Variants in NR1H4 observed in about 807,000 individuals in gnomAD.
NR1H4 encodes nuclear receptor subfamily 1 group H member 4.
A neutral mutation model predicts 58.5 loss-of-function variants in NR1H4; 23 were observed. That is an observed-to-expected ratio of 0.39 (90% CI 0.28 to 0.56). NR1H4 has a LOEUF of 0.56. NR1H4 is among the 20% of genes least tolerant of loss of function. The pLI, the probability that NR1H4 is intolerant of heterozygous loss-of-function variation, is 0.58. For missense variants in NR1H4, 487 were observed against 576.9 expected (o/e 0.84, Z 1.60); for synonymous variants, 214 against 198.0 (o/e 1.08, Z -0.68).
chr12:100,474,350 T>G (rs1174419668), intron 1 of NR1H4, among the ~76,000 whole-genome samples: 3 of 152,236 alleles, frequency 2.0e-5, no homozygotes, highest in Non-Finnish European at 4.4e-5. Flanking sequence ...ATAGTGCATT[T>G]CAGAAATGTC....
chr12:100,487,341 A>T (rs773737360), intron 1 of NR1H4, among the ~76,000 whole-genome samples: 1 of 152,194 alleles, frequency 6.6e-6, no homozygotes, highest in Non-Finnish European at 1.5e-5. Context: ...GCTTAAAAAT[A>T]AATTTTAATA....
intron 8 of NR1H4, among the ~76,000 whole-genome samples, chr12:100,538,278 G>GT (rs1954858502): frequency 6.6e-6 from 1 of 152,104 alleles, no homozygotes. Flanking sequence ...CATGTAAGAT[G>GT]AATTTGAATG....
intron 1 of NR1H4, among the ~76,000 whole-genome samples, chr12:100,481,348 G>A (rs942708645): frequency 6.6e-6 from 1 of 151,778 alleles, no homozygotes; most frequent in East Asian, 1.9e-4. Flanking sequence ...TACATAATGC[G>A]AAAAAAGAAA....
chr12:100,503,302 A>G (rs781439729), intron 3 of NR1H4: 6 of 1,494,180 alleles, frequency 4.0e-6, no homozygotes, highest in Non-Finnish European at 5.4e-6. Context: ...CTGCTCCGTA[A>G]TGAAGTTAAT....
At chr12:100,498,358 G>T (rs954307983) in intron 3 of NR1H4, among the ~76,000 whole-genome samples, 1 of 152,184 alleles carries the variant, frequency 6.6e-6, no homozygotes, top group Non-Finnish European at 1.5e-5. Context: ...CGTAAATAAG[G>T]CTGGGCGCGG....
intron 1 of NR1H4, among the ~76,000 whole-genome samples, chr12:100,477,769 G>A (rs1953301036): frequency 6.6e-6 from 1 of 152,056 alleles, no homozygotes; most frequent in Non-Finnish European, 1.5e-5. Context: ...CCAGCCTGGG[G>A]CTTAAGGAGC....
intron 4 of NR1H4, among the ~76,000 whole-genome samples, chr12:100,525,638 T>A (rs1954535973): frequency 6.6e-6 from 1 of 152,340 alleles, no homozygotes; most frequent in South Asian, 2.1e-4. Flanking sequence ...ATTAGGGTAA[T>A]GCTGGCCTCA....
At chr12:100,478,500 A>G (rs1255433543) in intron 1 of NR1H4, among the ~76,000 whole-genome samples, 1 of 152,226 alleles carries the variant, frequency 6.6e-6, no homozygotes, top group Non-Finnish European at 1.5e-5. Context: ...ATCTTAATGT[A>G]GTCATTGTGT....
At chr12:100,545,819 A>G (rs1334182003) in intron 9 of NR1H4, among the ~76,000 whole-genome samples, 4 of 152,000 alleles carry the variant, frequency 2.6e-5, no homozygotes, top group African/African-American at 9.7e-5. Flanking sequence ...ACATGGGACT[A>G]AATATGTCAG....
At chr12:100,474,771 A>G (rs1047789949) in intron 1 of NR1H4, among the ~76,000 whole-genome samples, 39 of 152,130 alleles carry the variant, frequency 2.6e-4, no homozygotes, top group Non-Finnish European at 1.0e-4. Flanking sequence ...ACTTCTTTTA[A>G]TTGGGTTTTT....
chr12:100,544,169 G>A (rs963806521), intron 9 of NR1H4, among the ~76,000 whole-genome samples: 10 of 149,800 alleles, frequency 6.7e-5, no homozygotes, highest in Non-Finnish European at 1.0e-4. Context: ...GGAGAATGGC[G>A]TGAACCCAGG....
In NR1H4 at chr12:100,532,327, G is replaced by A. The variant is rs1420428680; in HGVS notation, c.446-131G>A. ...GTCACATAAAGTATTTGTCACTGGTGTGCTCAAGGATGGCCTGGGTGCTCT... is the reference window on the plus strand; with the variant it reads ...GTCACATAAAGTATTTGTCACTGGTATGCTCAAGGATGGCCTGGGTGCTCT... On this transcript the variant is annotated intron_variant, in intron 4 of 10. Coordinates refer to ENST00000392986, the MANE Select transcript of NR1H4 (RefSeq NM_001206979.2). 5.4e-6 allele frequency: 4 copies of A among 746,394 alleles called. No individual in the cohort carries two copies. In the East Asian group the frequency reaches 1.0e-4, roughly 19 times the overall value. 46.2% of individuals were successfully genotyped at this position (746,394 alleles called of 1,614,324 possible). A position where few individuals can be genotyped will look rare whatever the true frequency, so the allele number is the denominator to read the frequency against.
chr12:100,524,073 A>G (rs1954494937), intron 4 of NR1H4, among the ~76,000 whole-genome samples: 1 of 152,232 alleles, frequency 6.6e-6, no homozygotes, highest in Non-Finnish European at 1.5e-5. Flanking sequence ...ATAAACATAT[A>G]GGTGATGAGG....
intron 3 of NR1H4, among the ~76,000 whole-genome samples, chr12:100,495,274 A>C (rs1953689234): frequency 6.6e-6 from 1 of 152,210 alleles, no homozygotes; most frequent in East Asian, 1.9e-4. Context: ...TCTTTGCTGG[A>C]GCAGTTTCCT....
intron 1 of NR1H4, among the ~76,000 whole-genome samples, chr12:100,488,958 T>G (rs964375728): frequency 6.6e-6 from 1 of 152,172 alleles, no homozygotes; most frequent in African/African-American, 2.4e-5. Flanking sequence ...ACATGACTCC[T>G]TTTATGGAAG....
intron 4 of NR1H4, among the ~76,000 whole-genome samples, chr12:100,527,335 C>T (rs554162109): frequency 6.6e-6 from 1 of 152,082 alleles, no homozygotes; most frequent in Non-Finnish European, 1.5e-5. Flanking sequence ...AGAGACCTGC[C>T]TGGACAACAT....
intron 8 of NR1H4, 121 bp from the exon 9 acceptor site, chr12:100,540,551 A>G (rs1186864927): frequency 2.8e-6 from 3 of 1,083,872 alleles, no homozygotes; most frequent in East Asian, 2.4e-5. Flanking sequence ...GGACTCAACT[A>G]GACTACCCAA....
At chr12:100,484,026 G>T (rs1367236815) in intron 1 of NR1H4, among the ~76,000 whole-genome samples, 2 of 151,488 alleles carry the variant, frequency 1.3e-5, no homozygotes, top group Non-Finnish European at 2.9e-5. Flanking sequence ...CCAGCCTTTG[G>T]GCAGAATCTA....
Position 100,563,568 on chromosome 12 carries a change from G to A in NR1H4, c.*79G>A. On this transcript the variant is annotated 3_prime_UTR_variant, in exon 11 of 11. Transcript: ENST00000392986. ...TGTATAACTTTCCTTTATTTCACTT[G>A]TACCCAGTTTCACTCAAGAAATCTT... is the stretch of plus-strand genomic sequence containing the variant. The A allele has an allele frequency of 8.9e-7, 1 of 1,120,650 alleles. No homozygotes were observed. The allele number at this position is 1,120,650 out of a possible 1,614,324, so 69.4% of individuals were successfully genotyped here.
Sources: gnomAD v4.1 joint callset for allele counts (sites outside exome capture counted in the v4.1 genomes callset) on GRCh38, gnomAD v4.1.1 for gene constraint, MANE v1.5 for transcripts, NCBI Gene and HGNC (gene_info 2026-07-23, HGNC 2026-07-21) for gene names.